RARB: variants seen among roughly 807,000 people sequenced by gnomAD.
The protein encoded by RARB is retinoic acid receptor beta.
RARB carries 17 observed loss-of-function variants against 51.9 expected under a neutral mutation model. The observed-to-expected ratio is 0.33, with a 90% CI of 0.22 to 0.49. The LOEUF is 0.49. Ranked by LOEUF, RARB falls within the 20% of genes least tolerant of loss-of-function variation. RARB has a pLI of 0.99. For missense variants in RARB, 369 were observed against 550.8 expected, an observed-to-expected ratio of 0.67 and a Z score of 3.30; for synonymous variants, 215 against 195.4, an observed-to-expected ratio of 1.10 and a Z score of -0.84.
At chr3:25,167,067 A>C (rs757727985) in intron 4 of RARB, among the ~76,000 whole-genome samples, 1 of 152,154 alleles carries the variant, frequency 6.6e-6, no homozygotes, top group Non-Finnish European at 1.5e-5. Flanking sequence ...GCCAATTTAG[A>C]TATTGATTTA....
intron 5 of RARB, among the ~76,000 whole-genome samples, chr3:25,196,215 C>T (rs1014421210): frequency 6.6e-6 from 1 of 151,908 alleles, no homozygotes; most frequent in Non-Finnish European, 1.5e-5. Flanking sequence ...TACTACCCCT[C>T]CCCCATCCCC....
At chr3:25,124,381 G>T in intron 3 of RARB, among the ~76,000 whole-genome samples, 1 of 152,138 alleles carries the variant, frequency 6.6e-6, no homozygotes, top group East Asian at 1.9e-4. Flanking sequence ...CAAAAAGAAA[G>T]AAATTGTGGA....
intron 2 of RARB, among the ~76,000 whole-genome samples, chr3:24,928,534 T>C (rs35867841): frequency 0.16 from 23,896 of 152,050 alleles, 2,045 homozygotes; most frequent in African/African-American, 0.18. Context: ...TTATTCCTTT[T>C]TGTTCTGTAA....
In RARB at chr3:25,226,742, C is replaced by G. The variant is rs1190979305; in HGVS notation, c.178+52167C>G. Among the ~76,000 whole-genome samples, 5 of 152,266 alleles carry G rather than the reference C, an allele frequency of 3.3e-5. No homozygotes were observed. The East Asian group carries it at 7.7e-4, about 24-fold the overall frequency. On this transcript the variant is annotated intron_variant, in intron 5 of 11. Coordinates refer to the RARB transcript ENST00000383772. ...GATTCTCCCCAACTCCATGTCCTTT[C>G]CTATCAGGCTGCTCTGTGAATCAAA...
rs73047720 is a variant in RARB at position 25,108,681 on chromosome 3, A to G, written c.-327-23480A>G. On this transcript the variant is annotated intron_variant, in intron 3 of 11. Coordinates refer to the RARB transcript ENST00000383772. The stretch of plus-strand genomic sequence containing the variant: ...AGTCTCTGCTATGGTGTTTTTGTAT[A>G]GAGAGTTTGTGACACTTTTGACAAT... Among the ~76,000 whole-genome samples, 809 of 152,324 alleles carry G rather than the reference A, an allele frequency of 5.3e-3. 4 individuals carry two copies. The highest frequency in any genetic ancestry group is 0.02 in the Middle Eastern group (6 of 294).
At chr3:25,506,133 A>T (rs1029662449) in intron 3 of RARB, among the ~76,000 whole-genome samples, 2 of 151,838 alleles carry the variant, frequency 1.3e-5, no homozygotes, top group Admixed American at 1.3e-4. Flanking sequence ...CGCTCCTATA[A>T]TCCCAGCTAC....
At chr3:25,143,714 G>A (rs769264968) in intron 4 of RARB, among the ~76,000 whole-genome samples, 1 of 152,214 alleles carries the variant, frequency 6.6e-6, no homozygotes, top group East Asian at 1.9e-4. Flanking sequence ...GGATGAGTAT[G>A]CGTACTTTGG....
intron 1 of RARB, among the ~76,000 whole-genome samples, chr3:25,438,472 A>G (rs1297886192): frequency 2.0e-5 from 3 of 152,186 alleles, no homozygotes; most frequent in Non-Finnish European, 2.9e-5. Flanking sequence ...TGGGGCTTTT[A>G]GTTTTTTGGT....
At chr3:25,174,523 T>C in exon 5 of RARB, 3 of 1,352,144 alleles carry the variant, frequency 2.2e-6, no homozygotes, top group Non-Finnish European at 9.8e-7. Context: ...CTCCCCTCCA[T>C]GGCCTTCATG....
chr3:24,875,570 C>T (rs1278371607), intron 2 of RARB, among the ~76,000 whole-genome samples: 1 of 152,074 alleles, frequency 6.6e-6, no homozygotes, highest in Non-Finnish European at 1.5e-5. Context: ...CCAATGTAAG[C>T]TATTATTTGT....
At chr3:25,286,058 A>G (rs1300937695) in intron 5 of RARB, among the ~76,000 whole-genome samples, 3 of 143,046 alleles carry the variant, frequency 2.1e-5, no homozygotes, top group Non-Finnish European at 4.6e-5. Context: ...CCCCCATTCA[A>G]TTAATTGCTA....
At chr3:25,442,795 A>AT (rs1461548712) in intron 1 of RARB, among the ~76,000 whole-genome samples, 1 of 152,066 alleles carries the variant, frequency 6.6e-6, no homozygotes, top group Admixed American at 6.5e-5. Flanking sequence ...CTAAACCAAG[A>AT]TTTTTGCAGA....
At chr3:25,477,511 G>C (rs1435520887) in intron 2 of RARB, among the ~76,000 whole-genome samples, 2 of 152,218 alleles carry the variant, frequency 1.3e-5, no homozygotes, top group African/African-American at 4.8e-5. Context: ...TGAAATAACA[G>C]ATGCCTTCTG....
chr3:25,128,062 G>C (rs1183169510), intron 3 of RARB, among the ~76,000 whole-genome samples: 3 of 152,098 alleles, frequency 2.0e-5, no homozygotes, highest in African/African-American at 7.2e-5. Flanking sequence ...TAAGGCTGGA[G>C]TGGTTTGTTG....
intron 2 of RARB, among the ~76,000 whole-genome samples, chr3:25,045,642 A>G (rs1235742107): frequency 3.3e-5 from 5 of 152,068 alleles, no homozygotes; most frequent in African/African-American, 7.2e-5. Context: ...TCAGATTTAT[A>G]TTTTCTAATG....
chr3:24,905,740 G>T (rs1694849065), intron 2 of RARB, among the ~76,000 whole-genome samples: 1 of 152,126 alleles, frequency 6.6e-6, no homozygotes, highest in Non-Finnish European at 1.5e-5. Context: ...TGGGGCCTGG[G>T]CCTTTAAAAG....
intron 2 of RARB, among the ~76,000 whole-genome samples, chr3:24,916,584 T>C (rs1279647261): frequency 1.3e-5 from 2 of 152,012 alleles, no homozygotes; most frequent in Non-Finnish European, 2.9e-5. Context: ...TAAAACACAC[T>C]TGCAGAGAGT....
chr3:25,180,094 G>A (rs1279002021), intron 5 of RARB, among the ~76,000 whole-genome samples: 2 of 152,266 alleles, frequency 1.3e-5, no homozygotes, highest in Admixed American at 6.5e-5. Context: ...CTCAATTGTG[G>A]AAGTATGTCC....
intron 3 of RARB, among the ~76,000 whole-genome samples, chr3:25,518,744 T>C (rs1015471678): frequency 2.0e-5 from 3 of 152,206 alleles, no homozygotes; most frequent in African/African-American, 7.2e-5. Flanking sequence ...TGATTTGCCC[T>C]TTTAAAGTAG....
Sources: allele counts gnomAD v4.1 joint callset (sites outside exome capture counted in the v4.1 genomes callset), GRCh38; gene constraint gnomAD v4.1.1; transcripts MANE v1.5; gene names NCBI Gene and HGNC (gene_info 2026-07-23, HGNC 2026-07-21).